SLC9A9: variants seen among roughly 807,000 people sequenced by gnomAD.
The protein encoded by SLC9A9 is solute carrier family 9 member A9.
A neutral mutation model predicts 77.8 loss-of-function variants in SLC9A9; 62 were observed. The observed-to-expected ratio is 0.80, with a 90% confidence interval of 0.65 to 0.98. The LOEUF is 0.98. Ranked by LOEUF, SLC9A9 falls within the 50% of genes least tolerant of loss-of-function variation. SLC9A9 has a pLI of 0.00. For missense variants in SLC9A9, 775 were observed against 774.9 expected, an observed-to-expected ratio of 1.00 and a Z score of 0.00; for synonymous variants, 320 against 283.5, an observed-to-expected ratio of 1.13 and a Z score of -1.29.
intron 11 of SLC9A9, among the ~76,000 whole-genome samples, chr3:143,485,270 G>T (rs1179329589): frequency 6.6e-6 from 1 of 152,170 alleles, no homozygotes; most frequent in African/African-American, 2.4e-5. Flanking sequence ...CACCATTGTT[G>T]TTGCACCTCC....
intron 6 of SLC9A9, among the ~76,000 whole-genome samples, chr3:143,624,197 C>A (rs2038274822): frequency 6.6e-6 from 1 of 152,210 alleles, no homozygotes; most frequent in South Asian, 2.1e-4. Flanking sequence ...CAAGGAGGAG[C>A]TGGTACCATT....
At chr3:143,563,963 G>C (rs1001493959) in intron 8 of SLC9A9, among the ~76,000 whole-genome samples, 5 of 152,070 alleles carry the variant, frequency 3.3e-5, no homozygotes, top group African/African-American at 1.2e-4. Context: ...CTCCTCAAGA[G>C]CTAGGTTCCT....
At chr3:143,488,227 C>G (rs2035683293) in intron 11 of SLC9A9, among the ~76,000 whole-genome samples, 1 of 151,872 alleles carries the variant, frequency 6.6e-6, no homozygotes, top group African/African-American at 2.4e-5. Context: ...CTGAATTAGA[C>G]CTACAACTAA....
intron 4 of SLC9A9, among the ~76,000 whole-genome samples, chr3:143,730,397 C>T (rs1207953775): frequency 6.6e-6 from 1 of 152,238 alleles, no homozygotes; most frequent in Non-Finnish European, 1.5e-5. Flanking sequence ...TACATTTCTA[C>T]AAGGCCTGCC....
chr3:143,827,399 T>C (rs553743870), intron 2 of SLC9A9, among the ~76,000 whole-genome samples: 1 of 152,348 alleles, frequency 6.6e-6, no homozygotes, highest in South Asian at 2.1e-4. Context: ...TTCACCAATC[T>C]TTAAGTGAAA....
At chr3:143,536,021 A>G (rs1269732755) in intron 9 of SLC9A9, among the ~76,000 whole-genome samples, 1 of 152,202 alleles carries the variant, frequency 6.6e-6, no homozygotes, top group Non-Finnish European at 1.5e-5. Context: ...GTAGGTGGGG[A>G]AAAAGTGAAG....
chr3:143,676,087 A>G (rs1057289693), intron 5 of SLC9A9, among the ~76,000 whole-genome samples: 2 of 152,110 alleles, frequency 1.3e-5, no homozygotes, highest in African/African-American at 4.8e-5. Context: ...CACACAACCT[A>G]GATCCCTCGC....
At chr3:143,501,049 G>C (rs2035914414) in intron 9 of SLC9A9, among the ~76,000 whole-genome samples, 1 of 150,290 alleles carries the variant, frequency 6.7e-6, no homozygotes, top group Non-Finnish European at 1.5e-5. Context: ...ATTTAAAGGA[G>C]AAAACAAAAC....
intron 2 of SLC9A9, among the ~76,000 whole-genome samples, chr3:143,827,170 A>T (rs777271461): frequency 5.3e-5 from 8 of 152,252 alleles, no homozygotes; most frequent in Non-Finnish European, 1.2e-4. Flanking sequence ...ATTCCTAAAT[A>T]TTACATAACA....
At chr3:143,461,207 G>A (rs997409205) in intron 12 of SLC9A9, among the ~76,000 whole-genome samples, 5 of 152,146 alleles carry the variant, frequency 3.3e-5, no homozygotes, top group Non-Finnish European at 7.4e-5. Flanking sequence ...ATCTTTTTGA[G>A]CTATTGGATA....
intron 12 of SLC9A9, among the ~76,000 whole-genome samples, chr3:143,409,121 G>T (rs1486167669): frequency 6.6e-6 from 1 of 152,262 alleles, no homozygotes; most frequent in East Asian, 1.9e-4. Flanking sequence ...CATGAATTGG[G>T]CTTGTTTGGA....
rs187294690 is a variant in SLC9A9 at position 143,479,574 on chromosome 3, T to C, written c.1316-12384A>G. On this transcript the variant is annotated intron_variant, in intron 11 of 15. Coordinates refer to ENST00000316549, the MANE Select transcript of SLC9A9 (RefSeq NM_173653.4). ...GGCTTGAGTTACATGTTTTGTTTCA[T>C]GTATTGATGCCAGGAGTAAGTCACT... Among the ~76,000 whole-genome samples the C allele has an allele frequency of 3.2e-4, 48 of 152,306 alleles. No homozygotes were observed. The East Asian group carries it at 6.9e-3, about 22-fold the overall frequency.
chr3:143,569,266 T>G (rs1332510216), intron 8 of SLC9A9, among the ~76,000 whole-genome samples: 1 of 151,420 alleles, frequency 6.6e-6, no homozygotes, highest in African/African-American at 2.4e-5. Context: ...ACCTACTAGA[T>G]ATTAAAATAA....
At chr3:143,352,064 C>G (rs1316178075) in intron 14 of SLC9A9, among the ~76,000 whole-genome samples, 2 of 152,204 alleles carry the variant, frequency 1.3e-5, no homozygotes, top group Non-Finnish European at 2.9e-5. Flanking sequence ...TCCTTCAGCA[C>G]CCAGAGCCTG....
intron 7 of SLC9A9, among the ~76,000 whole-genome samples, chr3:143,577,540 A>G (rs1421594255): frequency 2.6e-5 from 4 of 152,214 alleles, no homozygotes; most frequent in Admixed American, 2.6e-4. Context: ...ACAGTGTGAT[A>G]ACTTCGATGC....
At chr3:143,533,763 A>T (rs2036549859) in intron 9 of SLC9A9, among the ~76,000 whole-genome samples, 2 of 152,234 alleles carry the variant, frequency 1.3e-5, no homozygotes, top group Non-Finnish European at 2.9e-5. Context: ...TTGTAGTTAA[A>T]GTGAAATGGC....
chr3:143,414,915 T>C (rs1559905818), intron 12 of SLC9A9, among the ~76,000 whole-genome samples: 1 of 152,168 alleles, frequency 6.6e-6, no homozygotes, highest in Admixed American at 6.5e-5. Flanking sequence ...AAATTGTGAA[T>C]GCAAAGGAAG....
intron 4 of SLC9A9, among the ~76,000 whole-genome samples, chr3:143,719,737 A>G (rs1237114437): frequency 1.3e-5 from 2 of 152,366 alleles, no homozygotes; most frequent in East Asian, 3.9e-4. Flanking sequence ...GTACTGAACT[A>G]TCCCCAATTC....
At chr3:143,734,225 A>T (rs1025843823) in intron 4 of SLC9A9, among the ~76,000 whole-genome samples, 2 of 152,062 alleles carry the variant, frequency 1.3e-5, no homozygotes, top group African/African-American at 4.8e-5. Flanking sequence ...AGAAAAAAAA[A>T]AAGAAAACCT....
Sources: allele counts gnomAD v4.1 joint callset (sites outside exome capture counted in the v4.1 genomes callset), GRCh38; gene constraint gnomAD v4.1.1; transcripts MANE v1.5; gene names NCBI Gene and HGNC (gene_info 2026-07-23, HGNC 2026-07-21).